XPO6: variants seen among roughly 807,000 people sequenced by gnomAD.
The protein encoded by XPO6 is exportin 6.
XPO6 carries 3 observed loss-of-function variants against 130.0 expected under a neutral mutation model. That is an observed-to-expected ratio of 0.02 (90% confidence interval 0.01 to 0.06). XPO6 has a LOEUF of 0.06. XPO6 is among the 10% of genes least tolerant of loss of function. The pLI is 1.00. For synonymous variants in XPO6, 524 were observed against 548.9 expected (o/e 0.95, Z 0.63); for missense variants, 970 against 1,393.0 (o/e 0.70, Z 4.83).
Position 28,153,962 on chromosome 16 carries a change from A to G in XPO6, c.1098-1177T>C, listed in dbSNP as rs2043139875. 3 of 985,226 alleles carry G rather than the reference A, an allele frequency of 3.0e-6. No homozygotes were observed. The South Asian group carries it at 1.4e-4, about 46-fold the overall frequency. 61.0% of individuals were successfully genotyped at this position (985,226 alleles called of 1,614,324 possible). On this transcript the variant is annotated intron_variant, in intron 7 of 23. Transcript: ENST00000304658. Reference sequence around the variant, plus strand: ...GCCTGACCTCTATGCGGCCGAGCTTATTTGCAGCTTTTTAAAAAATACATA... The same window carrying G: ...GCCTGACCTCTATGCGGCCGAGCTTGTTTGCAGCTTTTTAAAAAATACATA...
chr16:28,121,933 A>G (rs545940082), intron 13 of XPO6, among the ~76,000 whole-genome samples, 171 bp from the exon 14 acceptor site: 1 of 152,348 alleles, frequency 6.6e-6, no homozygotes. Flanking sequence ...AGATATGCAT[A>G]AAGATTTATA....
chr16:28,146,042 A>G (rs371913135), intron 9 of XPO6, 52 bp downstream of exon 9: 4 of 1,421,266 alleles, frequency 2.8e-6, no homozygotes, highest in Non-Finnish European at 4.0e-6. Context: ...TTAGGCCACT[A>G]GAATAACTGG....
intron 1 of XPO6, among the ~76,000 whole-genome samples, chr16:28,199,246 G>A (rs1297408456): frequency 6.6e-6 from 1 of 152,176 alleles, no homozygotes; most frequent in Non-Finnish European, 1.5e-5. Flanking sequence ...GATGACATGT[G>A]CCCCTAAAAT....
At chr16:28,179,838 C>T (rs2043588270) in intron 2 of XPO6, among the ~76,000 whole-genome samples, 1 of 152,174 alleles carries the variant, frequency 6.6e-6, no homozygotes, top group South Asian at 2.1e-4. Flanking sequence ...TGTATAGAAA[C>T]AAACCCCTGG....
Position 28,175,910 on chromosome 16 carries a change from A to C in XPO6, c.393T>G (p.Thr131=), listed in dbSNP as rs2043527698. Residue 131 remains threonine, a synonymous_variant, in exon 4 of 24, where the codon ACT becomes ACG. Transcript: ENST00000304658. ...GGCATATCCTTACCTGTAAAATGTT[A>C]GTAAAAAAGTCGTGGTAGAACATGG... ...DWPMFYHDFF[T]NILQLIQSPV... The C allele has an allele frequency of 6.2e-7, 1 of 1,613,914 alleles. No homozygotes were observed. Among genetic ancestry groups the C allele is most frequent in the South Asian group, 1.1e-5 (1 of 91,088 alleles).
intron 2 of XPO6, among the ~76,000 whole-genome samples, chr16:28,177,708 G>T (rs2043554612): frequency 6.6e-6 from 1 of 152,158 alleles, no homozygotes; most frequent in Non-Finnish European, 1.5e-5. Flanking sequence ...ACATTCTAGG[G>T]CCTCGCCATT....
intron 6 of XPO6, 26 bp downstream of exon 6, chr16:28,166,482 T>G: frequency 6.4e-7 from 1 of 1,563,478 alleles, no homozygotes; most frequent in Non-Finnish European, 8.7e-7. Flanking sequence ...AAAAGAAGAA[T>G]GCCTTGGCTG....
At chr16:28,173,737 C>T (rs959795556) in intron 4 of XPO6, among the ~76,000 whole-genome samples, 6 of 152,288 alleles carry the variant, frequency 3.9e-5, no homozygotes, top group South Asian at 4.2e-4. Context: ...GGGTTGAAAG[C>T]GGGAGGTGGT....
intron 8 of XPO6, among the ~76,000 whole-genome samples, chr16:28,151,178 T>C (rs1235873111): frequency 3.8e-4 from 1 of 2,602 alleles, no homozygotes; most frequent in Non-Finnish European, 1.7e-3. Context: ...ACACTAGTGG[T>C]TAAAAAAAAA....
intron 1 of XPO6, among the ~76,000 whole-genome samples, chr16:28,202,747 G>A (rs1416489298): frequency 2.0e-5 from 3 of 152,208 alleles, no homozygotes; most frequent in Admixed American, 1.3e-4. Flanking sequence ...CAGCTGGTGA[G>A]GGTTTAGTTT....
chr16:28,101,412 G>C lies in XPO6; in HGVS notation c.3276+46C>G, dbSNP rs200459247. The C allele has an allele frequency of 1.9e-6, 3 of 1,548,994 alleles. No homozygotes were observed. Among genetic ancestry groups the C allele is most frequent in the Non-Finnish European group, 2.7e-6 (3 of 1,121,712 alleles). ...CTTGCTGCACAGGTGCCAGGCTTGC[G>C]TGCCCACTCTGCCCTCCTCTTAGCC... is the stretch of plus-strand genomic sequence containing the variant. On this transcript the variant is annotated intron_variant, in intron 23 of 23. Coordinates refer to ENST00000304658, the MANE Select transcript of XPO6 (RefSeq NM_015171.4). This position sits in a 1 kb window ranked among gnomAD's most constrained non-coding sequence, Gnocchi z 5.4.
chr16:28,156,109 G>C lies in XPO6; in HGVS notation c.1062C>G (p.His354Gln). The C allele has an allele frequency of 6.2e-7, 1 of 1,612,758 alleles. No individual in the cohort carries two copies. Among genetic ancestry groups the C allele is most frequent in the Non-Finnish European group, 8.5e-7 (1 of 1,179,158 alleles). The change falls in exon 7 of 24, where the codon CAC becomes CAG. Residue 354 changes from histidine (H) to glutamine (Q), a missense_variant. Coordinates refer to ENST00000304658, the MANE Select transcript of XPO6 (RefSeq NM_015171.4). ...LQKITKDNNAHTVKSRLEELD... is the reference protein window; with the variant it reads ...LQKITKDNNAQTVKSRLEELD... ...GCTCTTCTAGCCTGCTCTTCACTGT[G>C]TGGGCATTGTTATCCTTGGTGATTT...
chr16:28,107,394 C>T (rs1262520362), intron 18 of XPO6, 128 bp downstream of exon 18: 3 of 1,124,612 alleles, frequency 2.7e-6, no homozygotes, highest in East Asian at 4.8e-5. Context: ...CCCCTCAGTA[C>T]CGGGTTTCGT....
At position 28,209,566 on chromosome 16, in the gene XPO6, G is replaced by A. The variant is rs528863694; in HGVS notation, c.3+1800C>T. Among the ~76,000 whole-genome samples the A allele has an allele frequency of 1.7e-3, 255 of 150,998 alleles. 1 individual carries two copies. Among genetic ancestry groups the A allele is most frequent in the Middle Eastern group, 3.4e-3 (1 of 292 alleles). ...GAGGCAGGAGAATCACTTGAACCCG[G>A]GAGGCAGAAGTTGCCGTGAGCTGAG... is the stretch of plus-strand genomic sequence containing the variant. On this transcript the variant is annotated intron_variant, in intron 1 of 23. Coordinates refer to ENST00000304658, the MANE Select transcript of XPO6 (RefSeq NM_015171.4).
intron 9 of XPO6, among the ~76,000 whole-genome samples, chr16:28,143,446 T>C (rs2042931000): frequency 6.6e-6 from 1 of 152,200 alleles, no homozygotes; most frequent in Non-Finnish European, 1.5e-5. Context: ...TACGTCCATT[T>C]TGCAAGAGGA....
intron 21 of XPO6, 178 bp from the exon 22 acceptor site, chr16:28,102,123 G>A (rs956232517): frequency 1.2e-5 from 7 of 567,208 alleles, no homozygotes; most frequent in East Asian, 3.0e-5. Flanking sequence ...TTTCCCCACC[G>A]GGCCTTGCTT....
At chr16:28,171,347 G>A (rs993412135) in intron 4 of XPO6, among the ~76,000 whole-genome samples, 5 of 151,290 alleles carry the variant, frequency 3.3e-5, no homozygotes, top group Non-Finnish European at 7.4e-5. Context: ...CAGCTACTCA[G>A]GAGGCTGAGG....
Position 28,101,379 on chromosome 16 carries a change from G to T in XPO6, c.3276+79C>A. On this transcript the variant is annotated intron_variant, in intron 23 of 23. Coordinates refer to ENST00000304658, the MANE Select transcript of XPO6 (RefSeq NM_015171.4). This position sits in a 1 kb window ranked among gnomAD's most constrained non-coding sequence, Gnocchi z 5.4. ...AGACCACGCCCAGAGGCCTCAATGT[G>T]CCCCCTCCTTGCTGCACAGGTGCCA... 7.6e-7 allele frequency: 1 copy of T among 1,308,120 alleles called. No individual in the cohort carries two copies. Among genetic ancestry groups the T allele is most frequent in the South Asian group, 1.2e-5 (1 of 82,842 alleles). The allele number at this position is 1,308,120 out of a possible 1,614,324, so 81.0% of individuals were successfully genotyped here. A position where few individuals can be genotyped will look rare whatever the true frequency, so the allele number is the denominator to read the frequency against.
intron 4 of XPO6, among the ~76,000 whole-genome samples, chr16:28,170,359 A>C (rs1274177065): frequency 6.6e-6 from 1 of 150,824 alleles, no homozygotes; most frequent in South Asian, 2.1e-4. Context: ...AAGAAACATC[A>C]CTTAGAGGAT....
Sources: allele counts gnomAD v4.1 joint callset (sites outside exome capture counted in the v4.1 genomes callset), GRCh38; gene constraint gnomAD v4.1.1; non-coding constraint Gnocchi (gnomAD v3.1); transcripts MANE v1.5; gene names NCBI Gene and HGNC (gene_info 2026-07-23, HGNC 2026-07-21).